Variants in LRP1B observed in about 807,000 individuals in gnomAD.
The protein encoded by LRP1B is low-density lipoprotein receptor-related protein 1B.
A neutral mutation model predicts 556.6 loss-of-function variants in LRP1B; 217 were observed. That is an observed-to-expected ratio of 0.39 (90% confidence interval 0.35 to 0.44). LRP1B has a LOEUF of 0.44. Ranked by LOEUF, LRP1B falls within the 20% of genes least tolerant of loss-of-function variation. The pLI, the probability that LRP1B is intolerant of heterozygous loss-of-function variation, is 1.00. For synonymous variants in LRP1B, 2,047 were observed against 1,865.8 expected, an observed-to-expected ratio of 1.10 and a Z score of -2.50; for missense variants, 5,053 against 5,620.8, an observed-to-expected ratio of 0.90 and a Z score of 3.23.
At chr2:140,626,116 C>G (rs936540525) in intron 41 of LRP1B, among the ~76,000 whole-genome samples, 3 of 152,068 alleles carry the variant, frequency 2.0e-5, no homozygotes, top group African/African-American at 7.2e-5. Flanking sequence ...ATTAAAGAAG[C>G]CAATCTGTAA....
intron 2 of LRP1B, among the ~76,000 whole-genome samples, chr2:141,554,018 C>T (rs1178023957): frequency 7.3e-6 from 1 of 136,188 alleles, no homozygotes; most frequent in Non-Finnish European, 1.5e-5. Context: ...TATTAATAGA[C>T]AAGATATAGA....
intron 41 of LRP1B, among the ~76,000 whole-genome samples, chr2:140,670,890 G>A (rs182207034): frequency 6.6e-6 from 1 of 152,300 alleles, no homozygotes. Context: ...GGCTGAAGAT[G>A]CAGAAACTGA....
intron 20 of LRP1B, among the ~76,000 whole-genome samples, chr2:140,925,340 A>G (rs1310782914): frequency 6.6e-6 from 1 of 152,158 alleles, no homozygotes; most frequent in Non-Finnish European, 1.5e-5. Flanking sequence ...TTAGTTCAAT[A>G]TTCAGGAAGA....
In LRP1B at chr2:140,358,063, T is replaced by C. The variant is rs768785419; in HGVS notation, c.11311A>G (p.Asn3771Asp). Residue 3771 changes from asparagine to aspartate, a missense_variant, in exon 74 of 91, where the codon AAT (asparagine) becomes GAT (aspartate). Physicochemically the swap from Asn to Asp is conservative, Grantham distance 23. Transcript: ENST00000389484. ...AGATCCATAGGGATGCATTTTTTATTACTACAAGCAAACTCATCCTTTTTA... is the reference window on the plus strand; with the variant it reads ...AGATCCATAGGGATGCATTTTTTATCACTACAAGCAAACTCATCCTTTTTA... The part of the protein sequence containing the change: ...PCKKDEFACS[N>D]KKCIPMDLQC... The C allele has an allele frequency of 1.9e-6, 3 of 1,611,390 alleles. No individual in the cohort carries two copies. The highest frequency in any genetic ancestry group is 1.7e-6 in the Non-Finnish European group (2 of 1,178,342).
chr2:141,052,641 G>A (rs1027869824), intron 10 of LRP1B, among the ~76,000 whole-genome samples: 2 of 151,906 alleles, frequency 1.3e-5, no homozygotes, highest in African/African-American at 2.4e-5. Flanking sequence ...CTGTGACATC[G>A]ATTTCTAATT....
chr2:140,345,385 A>G (rs533439474), intron 77 of LRP1B, among the ~76,000 whole-genome samples: 3 of 151,510 alleles, frequency 2.0e-5, no homozygotes, highest in African/African-American at 7.3e-5. Flanking sequence ...CTCTTCCTCA[A>G]AATACTCTCC....
At chr2:140,773,284 G>A (rs992280777) in intron 33 of LRP1B, among the ~76,000 whole-genome samples, 3 of 152,108 alleles carry the variant, frequency 2.0e-5, no homozygotes, top group Non-Finnish European at 4.4e-5. Context: ...GGCCAACATG[G>A]TGAAACCCCG....
rs117310523 is a variant in LRP1B, at chr2:141,667,224, A to G, written c.205+143055T>C. ...TCCATTTTAGGAATCTGGAACAAGT[A>G]ATAATCAGAATGAAAATAACAAGAG... On this transcript the variant is annotated intron_variant, in intron 2 of 90. Transcript: ENST00000389484. Among the ~76,000 whole-genome samples, 43 of 152,314 alleles carry G rather than the reference A, an allele frequency of 2.8e-4. No homozygotes were observed. In the East Asian group the frequency reaches 7.9e-3, roughly 28 times the overall value.
chr2:141,573,379 A>T (rs1039075396), intron 2 of LRP1B, among the ~76,000 whole-genome samples: 1 of 152,110 alleles, frequency 6.6e-6, no homozygotes, highest in Non-Finnish European at 1.5e-5. Context: ...AAAAATCAAG[A>T]AGTTCCTTGA....
At chr2:140,668,732 A>G (rs1559043764) in intron 41 of LRP1B, among the ~76,000 whole-genome samples, 1 of 152,124 alleles carries the variant, frequency 6.6e-6, no homozygotes, top group Non-Finnish European at 1.5e-5. Flanking sequence ...TTATCAAGCC[A>G]CTAGATGTTT....
At chr2:141,897,424 C>G (rs1269143872) in intron 1 of LRP1B, among the ~76,000 whole-genome samples, 1 of 152,048 alleles carries the variant, frequency 6.6e-6, no homozygotes, top group Non-Finnish European at 1.5e-5. Flanking sequence ...AGTACCAGGT[C>G]AGCAATATCT....
chr2:140,450,690 G>A (rs1686849834), intron 62 of LRP1B, 29 bp from the exon 63 acceptor site: 3 of 1,488,888 alleles, frequency 2.0e-6, no homozygotes, highest in East Asian at 2.3e-5. Context: ...AAAAAAAAAT[G>A]TTGAAGAACC....
chr2:140,959,711 T>G (rs1396437838), intron 18 of LRP1B, among the ~76,000 whole-genome samples: 1 of 151,740 alleles, frequency 6.6e-6, no homozygotes, highest in Non-Finnish European at 1.5e-5. Flanking sequence ...TTTTAAGACT[T>G]TACTTCAGGA....
chr2:141,117,007 T>C (rs918644645), intron 7 of LRP1B, among the ~76,000 whole-genome samples: 4 of 152,036 alleles, frequency 2.6e-5, no homozygotes, highest in African/African-American at 9.7e-5. Context: ...CATCTCTCAG[T>C]TTTATAAGAT....
intron 2 of LRP1B, among the ~76,000 whole-genome samples, chr2:141,586,952 G>GAAAAAAAAAAA (rs71391660): frequency 2.1e-5 from 2 of 96,900 alleles, no homozygotes. Context: ...AAAAAAAAAA[G>GAAAAAAAAAAA]AAAAAAAAAA....
At chr2:141,352,504 C>G (rs562793014) in intron 3 of LRP1B, among the ~76,000 whole-genome samples, 1 of 151,814 alleles carries the variant, frequency 6.6e-6, no homozygotes, top group Non-Finnish European at 1.5e-5. Flanking sequence ...ATAGAGTAAG[C>G]ACCTTTTGGT....
chr2:141,780,742 A>G (rs1019256418), intron 2 of LRP1B, among the ~76,000 whole-genome samples: 1 of 152,196 alleles, frequency 6.6e-6, no homozygotes, highest in African/African-American at 2.4e-5. Flanking sequence ...TGTGAACTAT[A>G]TTAGAGATTC....
intron 66 of LRP1B, among the ~76,000 whole-genome samples, chr2:140,402,189 C>T (rs1421583857): frequency 6.6e-6 from 1 of 152,196 alleles, no homozygotes; most frequent in African/African-American, 2.4e-5. Context: ...ATCAAGGGAA[C>T]ACCCCGTGGG....
Position 141,527,383 on chromosome 2 carries a change from A to C in LRP1B, c.206-46850T>G, listed in dbSNP as rs574925447. ...AAAAAACATTGTTTCTGAACTTCTTACTGGCAAACAGAAAAATACAGGCAT... is the reference window on the plus strand; with the variant it reads ...AAAAAACATTGTTTCTGAACTTCTTCCTGGCAAACAGAAAAATACAGGCAT... On this transcript the variant is annotated intron_variant, in intron 2 of 90. Transcript: ENST00000389484. Among the ~76,000 whole-genome samples, 8 of 151,924 alleles carry C rather than the reference A, an allele frequency of 5.3e-5. No individual in the cohort carries two copies. The South Asian group carries it at 1.7e-3, about 32-fold the overall frequency.
Sources: allele counts gnomAD v4.1 joint callset (sites outside exome capture counted in the v4.1 genomes callset), GRCh38; gene constraint gnomAD v4.1.1; transcripts MANE v1.5; gene names NCBI Gene and HGNC (gene_info 2026-07-23, HGNC 2026-07-21).